NHS: variants seen among roughly 807,000 people sequenced by gnomAD.
NHS encodes NHS actin remodeling regulator, also known as actin remodeling regulator NHS.
NHS carries 5 observed loss-of-function variants against 72.5 expected under a neutral mutation model. That is an observed-to-expected ratio of 0.07 (90% CI 0.04 to 0.14). The LOEUF (loss-of-function observed/expected upper bound fraction) is 0.14, where lower values mean the gene tolerates loss of function less well. NHS is among the 10% of genes least tolerant of loss of function. NHS has a pLI of 1.00. For missense variants in NHS, 1,072 were observed against 1,355.7 expected (o/e 0.79, Z 3.29); for synonymous variants, 464 against 547.7 (o/e 0.85, Z 2.13).
chrX:17,626,435 T>A (rs1366198076), intron 1 of NHS, among the ~76,000 whole-genome samples: 1 of 112,038 alleles, frequency 8.9e-6, no homozygotes, highest in East Asian at 2.8e-4. Flanking sequence ...ACTAGAATAA[T>A]CTCACCTTGT....
intron 1 of NHS, among the ~76,000 whole-genome samples, chrX:17,571,177 G>C (rs2065476106): frequency 8.9e-6 from 1 of 112,108 alleles, no homozygotes; most frequent in Admixed American, 9.5e-5. Context: ...GATGATGCTG[G>C]CCTCATAAAA....
intron 1 of NHS, 126 bp downstream of exon 1, chrX:17,376,448 C>T: frequency 4.9e-6 from 3 of 609,246 alleles, no homozygotes; most frequent in South Asian, 5.4e-5. Context: ...TTACTACTCT[C>T]GCCTTCCCAC....
chrX:17,699,331 T>G (rs1218856415), intron 3 of NHS, among the ~76,000 whole-genome samples: 3 of 112,044 alleles, frequency 2.7e-5, no homozygotes, highest in Admixed American at 9.5e-5. Flanking sequence ...ATTACAATAT[T>G]GTGGTATTGG....
intron 1 of NHS, among the ~76,000 whole-genome samples, chrX:17,675,211 A>G (rs769298155): frequency 1.8e-5 from 2 of 112,197 alleles, no homozygotes; most frequent in South Asian, 7.3e-4. Context: ...CTAATGACAA[A>G]TGAAAAACAA....
intron 1 of NHS, among the ~76,000 whole-genome samples, chrX:17,440,299 A>G (rs1205979386): frequency 9.3e-6 from 1 of 107,973 alleles, no homozygotes; most frequent in Non-Finnish European, 1.9e-5. Context: ...AACCAGTTTA[A>G]TGATACAGTA....
At chrX:17,449,594 CA>C (rs1164975389) in intron 1 of NHS, among the ~76,000 whole-genome samples, 2 of 111,643 alleles carry the variant, frequency 1.8e-5, no homozygotes, top group Non-Finnish European at 3.8e-5. Context: ...AGTGATATCT[CA>C]ATTAAAAAGT....
chrX:17,504,230 C>A (rs2065047096), intron 1 of NHS, among the ~76,000 whole-genome samples: 1 of 112,112 alleles, frequency 8.9e-6, no homozygotes, highest in Non-Finnish European at 1.9e-5. Flanking sequence ...GTTTCTACAG[C>A]TTTTAATCTG....
chrX:17,579,448 T>TTC (rs985386207), intron 1 of NHS, among the ~76,000 whole-genome samples: 11 of 109,569 alleles, frequency 1.0e-4, no homozygotes, highest in South Asian at 7.9e-4. Context: ...TAGGATTCCA[T>TTC]TCTCTCTCTC....
chrX:17,489,779 G>T (rs749753349), intron 1 of NHS, among the ~76,000 whole-genome samples: 2 of 112,034 alleles, frequency 1.8e-5, no homozygotes, highest in African/African-American at 3.2e-5. Context: ...GAGCCACAGC[G>T]CCCGGCTCTG....
At position 17,721,609 on chromosome X, in the gene NHS, T is replaced by C; in HGVS notation, c.1084T>C (p.Cys362Arg). ...MKQDAQVISSCIIPINVTGVG... is the reference protein window; with the variant it reads ...MKQDAQVISSRIIPINVTGVG... Reference sequence around the variant, plus strand: ...ACAAGATGCCCAAGTGATTTCTTCTTGCATTATTCCCATCAATGTTACTGG... The same window carrying C: ...ACAAGATGCCCAAGTGATTTCTTCTCGCATTATTCCCATCAATGTTACTGG... The change falls in exon 5 of 9, where the codon TGC (cysteine) becomes CGC (arginine). Residue 362 changes from cysteine (C) to arginine (R), a missense_variant. Coordinates refer to ENST00000676302, the MANE Select transcript of NHS (RefSeq NM_001291867.2). 1 of 1,210,626 alleles carries C rather than the reference T, an allele frequency of 8.3e-7. No individual in the cohort carries two copies. Among genetic ancestry groups the C allele is most frequent in the Non-Finnish European group, 1.1e-6 (1 of 894,669 alleles).
Position 17,735,282 on chromosome X carries a change from C to T in NHS, c.*2818C>T, listed in dbSNP as rs2066515981. ...TGGAATATTCTACATGGCTTGATTACATAGCAAACAAGACCAAGATTTAGG... is the reference window on the plus strand; with the variant it reads ...TGGAATATTCTACATGGCTTGATTATATAGCAAACAAGACCAAGATTTAGG... On this transcript the variant is annotated 3_prime_UTR_variant, in exon 9 of 9. Coordinates refer to ENST00000676302, the MANE Select transcript of NHS (RefSeq NM_001291867.2). The T allele has an allele frequency of 8.9e-6, 1 of 112,716 alleles. No individual in the cohort carries two copies. The highest frequency in any genetic ancestry group is 1.9e-5 in the Non-Finnish European group (1 of 53,276). 9.3% of individuals were successfully genotyped at this position (112,716 alleles called of 1,213,427 possible).
chrX:17,733,491 G>A lies in NHS; in HGVS notation c.*1027G>A, dbSNP rs2066502165. ...GGGGACATAAACGGTCATAACTAAT[G>A]ACTGTAATCATTAAACTCCTTAAAC... is the stretch of plus-strand genomic sequence containing the variant. On this transcript the variant is annotated 3_prime_UTR_variant, in exon 9 of 9. Transcript: ENST00000676302. The A allele has an allele frequency of 8.9e-6, 1 of 112,071 alleles. No homozygotes were observed. The highest frequency in any genetic ancestry group is 3.7e-4 in the South Asian group (1 of 2,699). 9.2% of individuals were successfully genotyped at this position (112,071 alleles called of 1,213,427 possible). A position where few individuals can be genotyped will look rare whatever the true frequency, so the allele number is the denominator to read the frequency against.
intron 1 of NHS, among the ~76,000 whole-genome samples, chrX:17,641,061 C>T (rs1361514013): frequency 8.9e-6 from 1 of 112,300 alleles, no homozygotes; most frequent in East Asian, 2.8e-4. Flanking sequence ...TTTGATTAGG[C>T]TTTTATTTTT....
At chrX:17,412,543 G>C (rs191249998) in intron 1 of NHS, among the ~76,000 whole-genome samples, 50 of 110,671 alleles carry the variant, frequency 4.5e-4, no homozygotes, top group African/African-American at 1.6e-3. Flanking sequence ...GCTGCAGTGA[G>C]CTGTGATCAC....
chrX:17,461,786 G>A (rs1180011806), intron 1 of NHS, among the ~76,000 whole-genome samples: 1 of 113,097 alleles, frequency 8.8e-6, no homozygotes, highest in Non-Finnish European at 1.9e-5. Flanking sequence ...TCTGTGGCCA[G>A]TAGGGCTTGT....
rs773259991 is a variant in NHS at position 17,475,946 on chromosome X, G to A, written c.565+99624G>A. ...TTTAGGGGCTCCTGTGCCCTCCCCTGCTACATGTCATGCCCGCTGCCAGCT... is the reference window on the plus strand; with the variant it reads ...TTTAGGGGCTCCTGTGCCCTCCCCTACTACATGTCATGCCCGCTGCCAGCT... On this transcript the variant is annotated intron_variant, in intron 1 of 8. Transcript: ENST00000676302. Among the ~76,000 whole-genome samples the A allele has an allele frequency of 2.7e-5, 3 of 111,701 alleles. No individual in the cohort carries two copies. In the South Asian group the frequency reaches 1.1e-3, roughly 42 times the overall value.
chrX:17,421,667 C>A (rs1412001801), intron 1 of NHS, among the ~76,000 whole-genome samples: 1 of 110,426 alleles, frequency 9.1e-6, no homozygotes, highest in Non-Finnish European at 1.9e-5. Context: ...ACCTCTGCCT[C>A]CCAGGTTCAA....
chrX:17,391,159 G>A (rs945186807), intron 1 of NHS, among the ~76,000 whole-genome samples: 3 of 111,833 alleles, frequency 2.7e-5, no homozygotes, highest in Non-Finnish European at 5.6e-5. Context: ...AGCCTGGTTG[G>A]ATCAAGCTTT....
intron 3 of NHS, among the ~76,000 whole-genome samples, chrX:17,711,734 T>C (rs957862132): frequency 8.9e-6 from 1 of 111,871 alleles, no homozygotes; most frequent in Non-Finnish European, 1.9e-5. Flanking sequence ...TGAATGAGCA[T>C]GTACTCTTTT....
Sources: gnomAD v4.1 joint callset for allele counts (sites outside exome capture counted in the v4.1 genomes callset) on GRCh38, gnomAD v4.1.1 for gene constraint, MANE v1.5 for transcripts, NCBI Gene and HGNC (gene_info 2026-07-23, HGNC 2026-07-21) for gene names.